The following DOCK8 variants were observed in gnomAD, a reference collection of about 807,000 sequenced individuals.
The protein encoded by DOCK8 is dedicator of cytokinesis 8.
In DOCK8, 141 loss-of-function variants were observed where a neutral mutation model predicts 245.6. The observed-to-expected ratio is 0.57, with a 90% CI of 0.50 to 0.66. The LOEUF is 0.66. Among genes scored for constraint, DOCK8 ranks in the 30% least tolerant of loss-of-function variants. DOCK8 has a pLI of 0.00. For missense variants in DOCK8, 2,965 were observed against 2,603.4 expected, an observed-to-expected ratio of 1.14 and a Z score of -3.02; for synonymous variants, 1,168 against 970.2, an observed-to-expected ratio of 1.20 and a Z score of -3.79.
chr9:229,780 C>A (rs1213490317), intron 1 of DOCK8, among the ~76,000 whole-genome samples: 2 of 152,040 alleles, frequency 1.3e-5, no homozygotes, highest in Non-Finnish European at 2.9e-5. Flanking sequence ...AGAAGGATCA[C>A]CCCTATATCA....
At chr9:268,848 A>T (rs1563855104) in intron 1 of DOCK8, among the ~76,000 whole-genome samples, 1 of 152,206 alleles carries the variant, frequency 6.6e-6, no homozygotes. Context: ...CACAAGACAC[A>T]TTGTTGCTCA....
chr9:420,711 A>G (rs373953224), intron 31 of DOCK8, 128 bp downstream of exon 31: 7 of 1,317,986 alleles, frequency 5.3e-6, no homozygotes, highest in African/African-American at 2.9e-5. Flanking sequence ...ATTCAAATCC[A>G]TAACCCATTT....
At chr9:261,008 C>G (rs1275626120) in intron 1 of DOCK8, among the ~76,000 whole-genome samples, 1 of 151,612 alleles carries the variant, frequency 6.6e-6, no homozygotes, top group African/African-American at 2.4e-5. Flanking sequence ...AAATTATTAC[C>G]CCGGGAGGCA....
chr9:420,233 A>G (rs2131637069), intron 30 of DOCK8, 168 bp from the exon 31 acceptor site: 7 of 743,446 alleles, frequency 9.4e-6, no homozygotes, highest in East Asian at 2.7e-5. Context: ...TCCCCTGCCT[A>G]GGGAAGGCAG....
At chr9:438,134 A>G (rs1257009986) in intron 39 of DOCK8, among the ~76,000 whole-genome samples, 1 of 152,214 alleles carries the variant, frequency 6.6e-6, no homozygotes, top group African/African-American at 2.4e-5. Context: ...ATGTGAAGAG[A>G]TAGGGCTATC....
At chr9:300,772 C>G (rs1443305508) in intron 4 of DOCK8, among the ~76,000 whole-genome samples, 1 of 152,052 alleles carries the variant, frequency 6.6e-6, no homozygotes, top group African/African-American at 2.4e-5. Context: ...CCTGGAAACA[C>G]ACAAGCCCCC....
intron 8 of DOCK8, among the ~76,000 whole-genome samples, chr9:326,190 G>A (rs181476893): frequency 6.6e-6 from 1 of 152,204 alleles, no homozygotes; most frequent in African/African-American, 2.4e-5. Context: ...AATGAAAACA[G>A]TGACCAAGAC....
intron 2 of DOCK8, among the ~76,000 whole-genome samples, chr9:279,885 G>T (rs994738314): frequency 6.6e-6 from 1 of 152,228 alleles, no homozygotes; most frequent in African/African-American, 2.4e-5. Flanking sequence ...GCCAGGTCCT[G>T]TGTGACTGCA....
intron 2 of DOCK8, among the ~76,000 whole-genome samples, chr9:277,438 G>C (rs968326625): frequency 6.5e-5 from 8 of 122,970 alleles, no homozygotes; most frequent in Non-Finnish European, 1.1e-4. Context: ...AAAGAAAAGA[G>C]AAGAGAGGAG....
rs576327714 is a variant in DOCK8, at chr9:458,697, A to C, written c.6069-4820A>C. Reference sequence around the variant, plus strand: ...GTGTAGTGGCGTGCCTGTAGTTCCAACTGCTCGGGAAGCTGAGGTGGGAGG... The same window carrying C: ...GTGTAGTGGCGTGCCTGTAGTTCCACCTGCTCGGGAAGCTGAGGTGGGAGG... On this transcript the variant is annotated intron_variant, in intron 46 of 47. Transcript: ENST00000432829. 3.9e-5 allele frequency among the ~76,000 whole-genome samples: 6 copies of C among 152,090 alleles called. No homozygotes were observed. In the South Asian group the frequency reaches 1.2e-3, roughly 32 times the overall value.
At chr9:448,275 G>T (rs1392886765) in intron 44 of DOCK8, among the ~76,000 whole-genome samples, 1 of 152,082 alleles carries the variant, frequency 6.6e-6, no homozygotes, top group Non-Finnish European at 1.5e-5. Flanking sequence ...AATACAGAGA[G>T]ATATATATTT....
chr9:397,770 A>G (rs561956211), intron 25 of DOCK8, among the ~76,000 whole-genome samples: 1 of 152,330 alleles, frequency 6.6e-6, no homozygotes, highest in South Asian at 2.1e-4. Context: ...AATGGGCATG[A>G]TATTTGCAAC....
At chr9:427,560 C>T (rs1481090400) in intron 34 of DOCK8, among the ~76,000 whole-genome samples, 2 of 152,110 alleles carry the variant, frequency 1.3e-5, no homozygotes, top group East Asian at 3.9e-4. Flanking sequence ...TCCACAAATT[C>T]CCAAGCTGTC....
At chr9:224,762 G>C (rs909594796) in intron 1 of DOCK8, among the ~76,000 whole-genome samples, 43 of 152,106 alleles carry the variant, frequency 2.8e-4, no homozygotes, top group African/African-American at 9.9e-4. Flanking sequence ...GCTCCCTAAG[G>C]GGTACTAGTC....
intron 14 of DOCK8, 47 bp from the exon 15 acceptor site, chr9:367,966 TTAAAA>T: frequency 1.0e-5 from 15 of 1,477,732 alleles, no homozygotes; most frequent in Non-Finnish European, 1.3e-5. Context: ...AAGAACTTAG[TTAAAA>T]TAAACTCTAG....
intron 11 of DOCK8, among the ~76,000 whole-genome samples, chr9:335,161 T>G (rs931155401): frequency 6.6e-6 from 1 of 152,180 alleles, no homozygotes; most frequent in Non-Finnish European, 1.5e-5. Flanking sequence ...CCAAGTGCAA[T>G]GAAAAAATGG....
At chr9:427,131 C>T (rs1439380527) in intron 34 of DOCK8, 150 bp downstream of exon 34, 2 of 694,880 alleles carry the variant, frequency 2.9e-6, no homozygotes, top group Admixed American at 2.4e-5. Context: ...CTATTTACAA[C>T]AGTGTCTACC....
chr9:410,312 C>T (rs2360704), intron 28 of DOCK8, among the ~76,000 whole-genome samples: 61,064 of 151,984 alleles, frequency 0.4, 12,618 homozygotes, highest in East Asian at 0.53. Flanking sequence ...GAAATTAATA[C>T]TGCCTGTTGT....
At chr9:376,801 C>T (rs2053535857) in intron 19 of DOCK8, among the ~76,000 whole-genome samples, 176 bp from the exon 20 acceptor site, 1 of 152,200 alleles carries the variant, frequency 6.6e-6, no homozygotes, top group African/African-American at 2.4e-5. Flanking sequence ...ACTTCATGCA[C>T]CACATTCTAC....
Sources: allele counts gnomAD v4.1 joint callset (sites outside exome capture counted in the v4.1 genomes callset), GRCh38; gene constraint gnomAD v4.1.1; transcripts MANE v1.5; gene names NCBI Gene and HGNC (gene_info 2026-07-23, HGNC 2026-07-21).